The following TANGO6 variants were observed in gnomAD, a reference collection of about 807,000 sequenced individuals.
The protein encoded by TANGO6 is transport and Golgi organization protein 6 homolog.
A neutral mutation model predicts 114.2 loss-of-function variants in TANGO6; 90 were observed. That is an observed-to-expected ratio of 0.79 (90% CI 0.66 to 0.94). The LOEUF is 0.94. Ranked by LOEUF, TANGO6 falls within the 40% of genes least tolerant of loss-of-function variation. TANGO6 has a pLI of 0.00. For synonymous variants in TANGO6, 477 were observed against 509.8 expected, an observed-to-expected ratio of 0.94 and a Z score of 0.87; for missense variants, 1,274 against 1,315.3, an observed-to-expected ratio of 0.97 and a Z score of 0.49.
intron 16 of TANGO6, chr16:69,034,084 G>A (rs1959647462): frequency 1.3e-5 from 2 of 153,424 alleles, no homozygotes; most frequent in Admixed American, 1.3e-4. Flanking sequence ...AGTGCTCCAA[G>A]GAGGTTACTA....
At chr16:68,878,678 T>A (rs1284210689) in intron 6 of TANGO6, among the ~76,000 whole-genome samples, 1 of 152,184 alleles carries the variant, frequency 6.6e-6, no homozygotes, top group African/African-American at 2.4e-5. Flanking sequence ...AATTTAACAT[T>A]TATACAATAT....
chr16:69,004,700 CTTTG>C (rs1229485375), intron 15 of TANGO6, among the ~76,000 whole-genome samples: 1 of 152,168 alleles, frequency 6.6e-6, no homozygotes, highest in East Asian at 1.9e-4. Context: ...CATGGCTAAA[CTTTG>C]TTTGCTAATT....
At chr16:68,987,650 A>G (rs1332519116) in intron 15 of TANGO6, among the ~76,000 whole-genome samples, 1 of 152,200 alleles carries the variant, frequency 6.6e-6, no homozygotes, top group Non-Finnish European at 1.5e-5. Flanking sequence ...AATTATAGGC[A>G]TGAGCCACTG....
At chr16:68,988,912 G>A (rs967414047) in intron 15 of TANGO6, among the ~76,000 whole-genome samples, 1 of 151,992 alleles carries the variant, frequency 6.6e-6, no homozygotes, top group African/African-American at 2.4e-5. Flanking sequence ...TGTCTTCCAG[G>A]CTAGAGTGCA....
chr16:68,863,184 T>C (rs1962126746), intron 3 of TANGO6, 123 bp downstream of exon 3: 2 of 536,822 alleles, frequency 3.7e-6, no homozygotes, highest in South Asian at 3.5e-5. Flanking sequence ...CCTTTTTTCA[T>C]CTTTTAGATC....
rs561451360 is a variant in TANGO6, at chr16:68,993,994, A to T, written c.2842+19826A>T. ...TCTTGTTGGTAACACACTAGGGTAGAGTCAGTTATTGTAGATTTTCCTCAT... is the reference window on the plus strand; with the variant it reads ...TCTTGTTGGTAACACACTAGGGTAGTGTCAGTTATTGTAGATTTTCCTCAT... On this transcript the variant is annotated intron_variant, in intron 15 of 17. Coordinates refer to ENST00000261778, the MANE Select transcript of TANGO6 (RefSeq NM_024562.2). Among the ~76,000 whole-genome samples, 7 of 152,320 alleles carry T rather than the reference A, an allele frequency of 4.6e-5. No homozygotes were observed. The South Asian group carries it at 1.4e-3, about 32-fold the overall frequency.
intron 11 of TANGO6, among the ~76,000 whole-genome samples, chr16:68,918,696 G>A (rs1335811477): frequency 2.0e-5 from 3 of 152,194 alleles, no homozygotes; most frequent in African/African-American, 7.2e-5. Flanking sequence ...TTCACAATGA[G>A]GATAATAGTA....
At chr16:69,044,894 G>A (rs1157181477) in intron 17 of TANGO6, among the ~76,000 whole-genome samples, 1 of 152,108 alleles carries the variant, frequency 6.6e-6, no homozygotes, top group Non-Finnish European at 1.5e-5. Flanking sequence ...AGTGCCTCAT[G>A]CCTATAATCC....
At chr16:68,846,667 CTT>C (rs1260147357) in intron 1 of TANGO6, 15,008 of 124,658 alleles carry the variant, frequency 0.12, 776 homozygotes, top group Non-Finnish European at 0.14. Flanking sequence ...GGCTAATTTT[CTT>C]TTTTTTTTTT....
intron 15 of TANGO6, among the ~76,000 whole-genome samples, chr16:69,019,840 CT>C (rs751351684): frequency 7.9e-5 from 12 of 152,174 alleles, no homozygotes; most frequent in Non-Finnish European, 1.5e-4. Flanking sequence ...GCCCAGCCTA[CT>C]TTGGGCTTCT....
chr16:68,859,895 A>G lies in TANGO6; in HGVS notation c.106A>G (p.Ser36Gly). 1 of 1,564,418 alleles carries G rather than the reference A, an allele frequency of 6.4e-7. No homozygotes were observed. Among genetic ancestry groups the G allele is most frequent in the African/African-American group, 1.4e-5 (1 of 72,808 alleles). The change falls in exon 2 of 18, where the codon AGT becomes GGT. Residue 36 changes from serine (S) to glycine (G), a missense_variant. Around this residue, in one of 5 missense-constraint regions of TANGO6, gnomAD observed 114 missense variants for 104.6 expected, o/e 1.09. Transcript: ENST00000261778. Reference protein sequence around the residue: ...LLLSPGGSGSSSLQVTKHDVL... With the variant: ...LLLSPGGSGSGSLQVTKHDVL... ...TTCTTCTTCAAAAGGCTCGGGCTCA[A>G]GTTCACTACAGGTCACAAAACATGA...
intron 15 of TANGO6, among the ~76,000 whole-genome samples, chr16:69,011,154 G>A (rs146291640): frequency 1.4e-3 from 216 of 152,252 alleles, no homozygotes; most frequent in African/African-American, 4.6e-3. Flanking sequence ...TTAATGTGCA[G>A]GATAAGATAT....
intron 7 of TANGO6, among the ~76,000 whole-genome samples, chr16:68,884,623 G>T (rs1443421041): frequency 1.3e-5 from 2 of 152,068 alleles, no homozygotes; most frequent in Admixed American, 1.3e-4. Context: ...TGAAAGTACT[G>T]TCAGGATAGG....
chr16:68,859,804 G>C, intron 1 of TANGO6, 80 bp from the exon 2 acceptor site: 6 of 1,431,688 alleles, frequency 4.2e-6, no homozygotes, highest in Non-Finnish European at 5.6e-6. Flanking sequence ...GGATGAACTG[G>C]AGTAGGCAGG....
intron 14 of TANGO6, among the ~76,000 whole-genome samples, chr16:68,955,014 A>G (rs1963511264): frequency 6.6e-6 from 1 of 152,330 alleles, no homozygotes; most frequent in East Asian, 1.9e-4. Flanking sequence ...GTTTCATGAC[A>G]ACAAGGTTCA....
At chr16:68,854,389 G>T (rs1596988760) in intron 1 of TANGO6, among the ~76,000 whole-genome samples, 1 of 152,188 alleles carries the variant, frequency 6.6e-6, no homozygotes, top group East Asian at 1.9e-4. Flanking sequence ...AGGCTGCAGT[G>T]AGCTGGAATC....
intron 1 of TANGO6, among the ~76,000 whole-genome samples, chr16:68,844,816 C>T (rs113435008): frequency 1.3e-5 from 2 of 152,196 alleles, no homozygotes; most frequent in African/African-American, 4.8e-5. Flanking sequence ...GGAAATTGCC[C>T]AATGTCAGAC....
intron 15 of TANGO6, among the ~76,000 whole-genome samples, chr16:69,008,284 AG>A (rs946906875): frequency 6.6e-5 from 10 of 152,174 alleles, no homozygotes; most frequent in African/African-American, 2.4e-4. Context: ...TGAAGCACAA[AG>A]GTTTTTAATT....
intron 7 of TANGO6, among the ~76,000 whole-genome samples, chr16:68,894,436 A>G (rs1366405649): frequency 6.6e-6 from 1 of 152,094 alleles, no homozygotes; most frequent in African/African-American, 2.4e-5. Context: ...GATCTACTGG[A>G]AAACTTGGTA....
Sources: allele counts gnomAD v4.1 joint callset (sites outside exome capture counted in the v4.1 genomes callset), GRCh38; gene constraint gnomAD v4.1.1; regional missense constraint gnomAD v4.1.1; transcripts MANE v1.5; gene names NCBI Gene and HGNC (gene_info 2026-07-23, HGNC 2026-07-21).